Variants in KSR1 observed in about 807,000 individuals in gnomAD.
The protein encoded by KSR1 is kinase suppressor of ras 1, also known as kinase suppressor of ras.
In KSR1, 35 loss-of-function variants were observed where a neutral mutation model predicts 92.9. That is an observed-to-expected ratio of 0.38 (90% CI 0.29 to 0.50). The LOEUF (loss-of-function observed/expected upper bound fraction) is 0.50, where lower values mean the gene tolerates loss of function less well. Among genes scored for constraint, KSR1 ranks in the 20% least tolerant of loss-of-function variants. The pLI is 0.94. For missense variants in KSR1, 972 were observed against 1,158.5 expected, an observed-to-expected ratio of 0.84 and a Z score of 2.34; for synonymous variants, 467 against 472.6, an observed-to-expected ratio of 0.99 and a Z score of 0.15.
chr17:27,505,413 A>T (rs2069344297), intron 1 of KSR1, among the ~76,000 whole-genome samples: 2 of 152,198 alleles, frequency 1.3e-5, no homozygotes, highest in African/African-American at 4.8e-5. Context: ...TTCATCCAAG[A>T]AGGTGCCTGC....
intron 1 of KSR1, among the ~76,000 whole-genome samples, chr17:27,501,090 A>T (rs2069160168): frequency 6.6e-6 from 1 of 152,122 alleles, no homozygotes; most frequent in South Asian, 2.1e-4. Flanking sequence ...GTAATTGCTG[A>T]TGTCTGTCAA....
intron 7 of KSR1, among the ~76,000 whole-genome samples, chr17:27,592,016 T>A (rs1379043963): frequency 6.6e-6 from 1 of 152,196 alleles, no homozygotes; most frequent in Non-Finnish European, 1.5e-5. Flanking sequence ...TTTTGTAAGT[T>A]CAGATTTGTC....
intron 20 of KSR1, chr17:27,622,315 CCCTCCTGAGCACACCAG>C (rs1598167038): frequency 4.1e-6 from 1 of 242,058 alleles, no homozygotes; most frequent in East Asian, 1.3e-4. Context: ...ATGCCTTCCA[CCCTCCTGAGCACACCAG>C]CCTCCCACTG....
Position 27,603,887 on chromosome 17 carries a change from C to T in KSR1, c.1564C>T (p.Arg522Trp), listed in dbSNP as rs765719993. The change falls in exon 12 of 21, where the codon CGG becomes TGG. Residue 522 changes from arginine (R) to tryptophan (W), a missense_variant and splice_region_variant. Arg to Trp is a moderately radical substitution (Grantham distance 101). This residue lies in a region of KSR1 where 611 missense variants were observed against 668.0 expected (regional missense o/e 0.91). Coordinates refer to ENST00000644974, the MANE Select transcript of KSR1 (RefSeq NM_001394583.1). ...APLPEAADGT[R>W]LDDQPKADVL... is the part of the protein sequence containing the mutation. ...GCTCCCTGAAGCTGCCGACGGTACC[C>T]GGTAGGCATCCCTAGGTGGTGTCCC... 1.5e-5 allele frequency: 25 copies of T among 1,613,064 alleles called. No homozygotes were observed. The highest frequency in any genetic ancestry group is 1.3e-4 in the East Asian group (6 of 44,838).
At chr17:27,466,110 TTA>T (rs2019681587) in intron 1 of KSR1, among the ~76,000 whole-genome samples, 1 of 152,270 alleles carries the variant, frequency 6.6e-6, no homozygotes, top group African/African-American at 2.4e-5. Context: ...GTTCTCAAAC[TTA>T]TTTGTCCAGG....
At chr17:27,550,922 G>T (rs2071376137) in intron 2 of KSR1, among the ~76,000 whole-genome samples, 1 of 152,204 alleles carries the variant, frequency 6.6e-6, no homozygotes, top group Non-Finnish European at 1.5e-5. Flanking sequence ...TGATGAACTA[G>T]GGCAGCCCCA....
intron 6 of KSR1, 59 bp downstream of exon 6, chr17:27,588,594 G>A (rs747285614): frequency 3.4e-6 from 5 of 1,449,386 alleles, no homozygotes; most frequent in Non-Finnish European, 4.7e-6. Flanking sequence ...CCCAGATGGG[G>A]CCAGGAGTTC....
intron 3 of KSR1, chr17:27,579,906 A>AAAAAAAG (rs2072675806): frequency 6.7e-6 from 1 of 149,560 alleles, no homozygotes; most frequent in South Asian, 2.1e-4. Context: ...AAAAAAAAAA[A>AAAAAAAG]AAAAAGTGAG....
Position 27,623,413 on chromosome 17 carries a change from T to C in KSR1, c.*21T>C. The C allele has an allele frequency of 1.3e-6, 1 of 759,904 alleles. No individual in the cohort carries two copies. Among genetic ancestry groups the C allele is most frequent in the Non-Finnish European group, 2.4e-6 (1 of 415,270 alleles). 47.1% of individuals were successfully genotyped at this position (759,904 alleles called of 1,614,324 possible). A position where few individuals can be genotyped will look rare whatever the true frequency, so the allele number is the denominator to read the frequency against. On this transcript the variant is annotated 3_prime_UTR_variant, in exon 21 of 21. Transcript: ENST00000644974. ...TGTAGCCAGCCATATGGTTTTTCGC[T>C]GCTGATCTCTTTCTTTTTAAAATGT... is the stretch of plus-strand genomic sequence containing the variant.
intron 1 of KSR1, among the ~76,000 whole-genome samples, chr17:27,509,585 G>A (rs941981929): frequency 6.6e-6 from 1 of 152,188 alleles, no homozygotes; most frequent in African/African-American, 2.4e-5. Context: ...CACCACGCCT[G>A]GCGACTCAGG....
At chr17:27,486,014 C>T (rs2068653615) in intron 1 of KSR1, among the ~76,000 whole-genome samples, 1 of 152,190 alleles carries the variant, frequency 6.6e-6, no homozygotes, top group Admixed American at 6.5e-5. Flanking sequence ...GTGCCTGGCT[C>T]ACAGTGGGGT....
chr17:27,601,526 G>A, intron 11 of KSR1, 125 bp downstream of exon 11: 1 of 780,398 alleles, frequency 1.3e-6, no homozygotes, highest in Non-Finnish European at 2.1e-6. Context: ...CACCTGTTCT[G>A]AGAGCTGACT....
At chr17:27,533,736 C>T (rs2070641622) in intron 1 of KSR1, among the ~76,000 whole-genome samples, 1 of 152,178 alleles carries the variant, frequency 6.6e-6, no homozygotes, top group East Asian at 1.9e-4. Context: ...TCTATGGATG[C>T]AGAACCCACA....
At chr17:27,497,862 G>C (rs1334089280) in intron 1 of KSR1, among the ~76,000 whole-genome samples, 1 of 152,154 alleles carries the variant, frequency 6.6e-6, no homozygotes, top group Non-Finnish European at 1.5e-5. Flanking sequence ...CTGAGAAAGA[G>C]ATCTTACTGG....
chr17:27,534,400 A>T (rs985870093), intron 1 of KSR1, among the ~76,000 whole-genome samples: 1 of 152,250 alleles, frequency 6.6e-6, no homozygotes, highest in African/African-American at 2.4e-5. Flanking sequence ...CATGATAGAG[A>T]TGGCTGACAA....
chr17:27,504,479 G>A (rs987087548), intron 1 of KSR1, among the ~76,000 whole-genome samples: 2 of 152,178 alleles, frequency 1.3e-5, no homozygotes, highest in East Asian at 3.9e-4. Context: ...GGGTTTGAGG[G>A]TTCCGGGGAA....
At chr17:27,521,039 C>A (rs1219878242) in intron 1 of KSR1, among the ~76,000 whole-genome samples, 1 of 152,196 alleles carries the variant, frequency 6.6e-6, no homozygotes. Context: ...GTGGCTGTCA[C>A]CAGCAGGAAG....
At chr17:27,602,382 T>G (rs898047524) in intron 11 of KSR1, among the ~76,000 whole-genome samples, 1 of 152,180 alleles carries the variant, frequency 6.6e-6, no homozygotes, top group African/African-American at 2.4e-5. Context: ...GGTTACTAGC[T>G]CTAGGATGCA....
intron 1 of KSR1, chr17:27,465,381 AT>A (rs1214236085): frequency 6.6e-6 from 1 of 152,160 alleles, no homozygotes; most frequent in Non-Finnish European, 1.5e-5. Context: ...GTAAGAATGA[AT>A]TAAGATTTGT....
Sources: allele counts gnomAD v4.1 joint callset (sites outside exome capture counted in the v4.1 genomes callset), GRCh38; gene constraint gnomAD v4.1.1; regional missense constraint gnomAD v4.1.1; transcripts MANE v1.5; gene names NCBI Gene and HGNC (gene_info 2026-07-23, HGNC 2026-07-21).